Variants in ENTHD1 observed in about 807,000 individuals in gnomAD.
ENTHD1 encodes ENTH domain containing 1.
Under a neutral mutation model 39.1 loss-of-function variants are expected in ENTHD1, and 23 were observed. The ratio of observed to expected loss-of-function variants is 0.59; its 90% confidence interval spans 0.42 to 0.83. The LOEUF (loss-of-function observed/expected upper bound fraction) is 0.83, where lower values mean the gene tolerates loss of function less well. Among genes scored for constraint, ENTHD1 ranks in the 40% least tolerant of loss-of-function variants. The probability of loss-of-function intolerance (pLI) is 0.00; values close to 1 mark genes in which losing one functional copy is unlikely to be tolerated. For missense variants in ENTHD1, 624 were observed against 705.4 expected (o/e 0.88, Z 1.31); for synonymous variants, 230 against 258.2 (o/e 0.89, Z 1.05).
At chr22:39,883,718 G>A (rs747824624) in intron 2 of ENTHD1, among the ~76,000 whole-genome samples, 2 of 151,842 alleles carry the variant, frequency 1.3e-5, no homozygotes, top group Non-Finnish European at 1.5e-5. Flanking sequence ...AAATTAAGAA[G>A]ACAATTCCAG....
chr22:39,756,569 G>A (rs1434483742), intron 6 of ENTHD1, among the ~76,000 whole-genome samples: 3 of 152,074 alleles, frequency 2.0e-5, no homozygotes, highest in African/African-American at 7.2e-5. Flanking sequence ...CTGACCTCAA[G>A]TGATCCTCCT....
intron 3 of ENTHD1, among the ~76,000 whole-genome samples, chr22:39,860,941 T>C (rs2066134834): frequency 6.6e-6 from 1 of 152,212 alleles, no homozygotes; most frequent in African/African-American, 2.4e-5. Flanking sequence ...CAGTAGTCCA[T>C]ATTTAAAGTT....
At chr22:39,862,078 G>T (rs2066146570) in intron 2 of ENTHD1, 71 bp from the exon 3 acceptor site, 2 of 1,237,076 alleles carry the variant, frequency 1.6e-6, no homozygotes, top group African/African-American at 3.1e-5. Context: ...TTTTTCTACA[G>T]AAATTTTTTT....
intron 6 of ENTHD1, among the ~76,000 whole-genome samples, chr22:39,749,443 A>G (rs572887527): frequency 3.3e-5 from 5 of 152,240 alleles, no homozygotes; most frequent in Non-Finnish European, 5.9e-5. Flanking sequence ...ATAATATTGG[A>G]CCAGTTAATC....
In ENTHD1 at chr22:39,845,805, A is replaced by AT. The variant is rs571086819; in HGVS notation, c.593-9848dup. On this transcript the variant is annotated intron_variant, in intron 3 of 6. Transcript: ENST00000325157. The stretch of plus-strand genomic sequence containing the variant: ...ACTCTTTTCTCATTGATCTGCAAGA[A>AT]TTTTTTATATATTCTGGATACTAAT... Among the ~76,000 whole-genome samples the AT allele has an allele frequency of 3.0e-4, 45 of 151,832 alleles. No homozygotes were observed. In the East Asian group the frequency reaches 6.6e-3, roughly 22 times the overall value.
rs115495919 is a variant in ENTHD1 at position 39,796,931 on chromosome 22, G to A, written c.832+24062C>T. ...ATACAACGTTTCTTTTTGATTTTCT[G>A]TCTAGATGATCTGTCTAATCCTGAG... On this transcript the variant is annotated intron_variant, in intron 5 of 6. Transcript: ENST00000325157. 2.5e-3 allele frequency among the ~76,000 whole-genome samples: 388 copies of A among 152,226 alleles called. 3 individuals are homozygous for A. Among genetic ancestry groups the A allele is most frequent in the African/African-American group, 9.0e-3 (373 of 41,544 alleles).
chr22:39,744,269 CAG>C lies in ENTHD1; in HGVS notation c.1232_1233del (p.Ser411Ter). On this transcript the variant is annotated frameshift_variant, in exon 7 of 7. Coordinates refer to ENST00000325157, the MANE Select transcript of ENTHD1 (RefSeq NM_152512.4). LOFTEE classifies it low-confidence loss of function (END_TRUNC). The part of the protein sequence containing the change: ...LKTTTRVSTA[S>X]EGASSFSPLS... ...AAAGGAGAAAAGGAAGATGCTCCCTCAGAAGCAGTTGAAACTAAAATGTGTAA... is the reference window on the plus strand; with the variant it reads ...AAAGGAGAAAAGGAAGATGCTCCCTCAAGCAGTTGAAACTAAAATGTGTAA... 1 of 1,595,906 alleles carries C rather than the reference CAG, an allele frequency of 6.3e-7. No homozygotes were observed. The highest frequency in any genetic ancestry group is 1.1e-5 in the South Asian group (1 of 87,380).
intron 5 of ENTHD1, among the ~76,000 whole-genome samples, chr22:39,803,569 TTAAG>T (rs1374002116): frequency 6.6e-6 from 1 of 152,160 alleles, no homozygotes; most frequent in Non-Finnish European, 1.5e-5. Context: ...GAGAAACTCA[TTAAG>T]TATCTACTGA....
chr22:39,810,996 T>C (rs1310584605), intron 5 of ENTHD1, among the ~76,000 whole-genome samples: 2 of 152,190 alleles, frequency 1.3e-5, no homozygotes, highest in Admixed American at 6.5e-5. Context: ...GGCTATCACA[T>C]TGATGATACA....
intron 4 of ENTHD1, among the ~76,000 whole-genome samples, chr22:39,826,235 T>C (rs934848529): frequency 6.6e-6 from 1 of 152,192 alleles, no homozygotes; most frequent in African/African-American, 2.4e-5. Context: ...GCAATTGTAG[T>C]GGTTATCTCT....
At position 39,801,087 on chromosome 22, in the gene ENTHD1, T is replaced by C. The variant is rs2146616389; in HGVS notation, c.832+19906A>G. On this transcript the variant is annotated intron_variant, in intron 5 of 6. Coordinates refer to ENST00000325157, the MANE Select transcript of ENTHD1 (RefSeq NM_152512.4). ...CAGTTAAGATATGATTATCATAGAC[T>C]TATCACAATTGAGTGATTATTTCTG... 1.3e-5 allele frequency among the ~76,000 whole-genome samples: 2 copies of C among 152,346 alleles called. 1 individual carries two copies. Among genetic ancestry groups the C allele is most frequent in the South Asian group, 4.1e-4 (2 of 4,832 alleles).
chr22:39,858,879 C>T (rs1462866124), intron 3 of ENTHD1, among the ~76,000 whole-genome samples: 2 of 152,176 alleles, frequency 1.3e-5, no homozygotes, highest in East Asian at 3.8e-4. Context: ...TCCTTTGAAG[C>T]TTTGAAGCCA....
intron 4 of ENTHD1, among the ~76,000 whole-genome samples, chr22:39,834,856 G>C (rs962770433): frequency 1.3e-5 from 2 of 152,128 alleles, no homozygotes; most frequent in Non-Finnish European, 2.9e-5. Context: ...TACACTGAGC[G>C]AAAAAATTCC....
intron 5 of ENTHD1, among the ~76,000 whole-genome samples, chr22:39,771,425 A>G (rs1703610948): frequency 6.6e-6 from 1 of 152,180 alleles, no homozygotes; most frequent in Non-Finnish European, 1.5e-5. Flanking sequence ...AGAACCAGAA[A>G]ACAAGATTCA....
intron 5 of ENTHD1, among the ~76,000 whole-genome samples, chr22:39,802,102 T>A (rs902981658): frequency 6.6e-6 from 1 of 152,094 alleles, no homozygotes; most frequent in Non-Finnish European, 1.5e-5. Flanking sequence ...AAACCTATTC[T>A]CTCCTCCACC....
intron 2 of ENTHD1, among the ~76,000 whole-genome samples, chr22:39,886,166 G>T (rs1356878374): frequency 2.6e-5 from 4 of 151,930 alleles, no homozygotes; most frequent in Non-Finnish European, 2.9e-5. Context: ...GTCTGAAAAA[G>T]CTACATACTT....
chr22:39,878,175 C>T (rs1415782932), intron 2 of ENTHD1, among the ~76,000 whole-genome samples: 1 of 152,134 alleles, frequency 6.6e-6, no homozygotes, highest in East Asian at 1.9e-4. Context: ...ATGCCTTTGG[C>T]AGGCTTTCTG....
rs76350729 is a variant in ENTHD1 at position 39,790,175 on chromosome 22, C to A, written c.833-24566G>T. Among the ~76,000 whole-genome samples, 487 of 152,256 alleles carry A rather than the reference C, an allele frequency of 3.2e-3. 5 individuals are homozygous for A. Among genetic ancestry groups the A allele is most frequent in the African/African-American group, 0.011 (471 of 41,556 alleles). On this transcript the variant is annotated intron_variant, in intron 5 of 6. Coordinates refer to ENST00000325157, the MANE Select transcript of ENTHD1 (RefSeq NM_152512.4). ...TGAGATGAGAAGTCCCTGGGAGGTG[C>A]TTAAGCAAAGGAATGGCATGGTATG...
intron 5 of ENTHD1, among the ~76,000 whole-genome samples, chr22:39,819,043 CTG>C (rs1366232488): frequency 6.6e-6 from 1 of 152,096 alleles, no homozygotes; most frequent in East Asian, 1.9e-4. Flanking sequence ...GATAAATAAA[CTG>C]TGGTACATTC....
Sources: gnomAD v4.1 joint callset for allele counts (sites outside exome capture counted in the v4.1 genomes callset) on GRCh38, gnomAD v4.1.1 for gene constraint, MANE v1.5 for transcripts, NCBI Gene and HGNC (gene_info 2026-07-23, HGNC 2026-07-21) for gene names.